Variants in RASSF8 observed in about 807,000 individuals in gnomAD.
RASSF8 encodes the protein Ras association domain family member 8.
In RASSF8, 22 loss-of-function variants were observed where a neutral mutation model predicts 48.5. The ratio of observed to expected loss-of-function variants is 0.45; its 90% CI spans 0.32 to 0.65. The LOEUF (loss-of-function observed/expected upper bound fraction) is 0.65. RASSF8 is among the 30% of genes least tolerant of loss of function. The pLI, the probability that RASSF8 is intolerant of heterozygous loss-of-function variation, is 0.03. For synonymous variants in RASSF8, 127 were observed against 171.5 expected (o/e 0.74, Z 2.03); for missense variants, 418 against 489.2 (o/e 0.85, Z 1.37).
intron 3 of RASSF8, among the ~76,000 whole-genome samples, chr12:26,063,173 T>C (rs1372627637): frequency 1.3e-5 from 2 of 152,116 alleles, no homozygotes; most frequent in Non-Finnish European, 2.9e-5. Flanking sequence ...TTTATACAAG[T>C]ATAATTGCTG....
chr12:26,057,108 G>GTGTGTGTA (rs1555169466), intron 3 of RASSF8, among the ~76,000 whole-genome samples: 6 of 151,392 alleles, frequency 4.0e-5, no homozygotes, highest in Admixed American at 6.6e-5. Flanking sequence ...TTTTGTGTGT[G>GTGTGTGTA]TGTGTGTGTG....
chr12:26,018,068 C>T (rs1942693987), intron 2 of RASSF8, among the ~76,000 whole-genome samples: 1 of 152,164 alleles, frequency 6.6e-6, no homozygotes, highest in Non-Finnish European at 1.5e-5. Context: ...GATTTATTAA[C>T]TTTTGTTAAC....
intron 1 of RASSF8, among the ~76,000 whole-genome samples, chr12:25,986,917 G>GTTTT (rs68185131): frequency 4.4e-4 from 64 of 145,500 alleles, no homozygotes; most frequent in South Asian, 2.4e-3. Context: ...TTGAACTACC[G>GTTTT]TTTTTTTTTT....
intron 2 of RASSF8, among the ~76,000 whole-genome samples, chr12:25,998,654 T>C (rs976510131): frequency 1.1e-4 from 17 of 152,162 alleles, no homozygotes; most frequent in Non-Finnish European, 1.9e-4. Flanking sequence ...GCAAGAAAGC[T>C]TTTCTTAAGG....
At chr12:26,062,886 G>T (rs1943775893) in intron 3 of RASSF8, among the ~76,000 whole-genome samples, 1 of 152,142 alleles carries the variant, frequency 6.6e-6, no homozygotes, top group African/African-American at 2.4e-5. Flanking sequence ...AAGTTGTGCT[G>T]CTTATCTAGT....
At chr12:26,010,808 G>A (rs1323518840) in intron 2 of RASSF8, among the ~76,000 whole-genome samples, 1 of 151,982 alleles carries the variant, frequency 6.6e-6, no homozygotes, top group African/African-American at 2.4e-5. Context: ...GAGGGACAAC[G>A]TGAGAGACTT....
chr12:26,011,399 C>T (rs544463360), intron 2 of RASSF8, among the ~76,000 whole-genome samples: 16 of 152,244 alleles, frequency 1.1e-4, no homozygotes, highest in South Asian at 2.1e-4. Context: ...CTCTTCCTGA[C>T]GAGCAGTATT....
chr12:26,047,463 T>G (rs1943395952), intron 2 of RASSF8, among the ~76,000 whole-genome samples: 2 of 152,204 alleles, frequency 1.3e-5, no homozygotes, highest in African/African-American at 4.8e-5. Context: ...TATGTAAAAC[T>G]TAATCATTTA....
intron 3 of RASSF8, among the ~76,000 whole-genome samples, chr12:26,059,233 A>G (rs946787780): frequency 7.9e-5 from 12 of 152,314 alleles, no homozygotes; most frequent in African/African-American, 2.6e-4. Context: ...CTAACAAAAG[A>G]TGAGAGAGGA....
chr12:26,055,825 T>C (rs1040880729), intron 3 of RASSF8, among the ~76,000 whole-genome samples: 17 of 152,346 alleles, frequency 1.1e-4, no homozygotes, highest in African/African-American at 4.1e-4. Context: ...TATTTCTCCA[T>C]ACTTTCAGAA....
intron 1 of RASSF8, among the ~76,000 whole-genome samples, chr12:25,993,241 T>G (rs1207089800): frequency 1.3e-5 from 2 of 152,196 alleles, no homozygotes; most frequent in Non-Finnish European, 2.9e-5. Context: ...GCATATATGT[T>G]AGTGTCAGTT....
chr12:26,057,601 T>C (rs1024083605), intron 3 of RASSF8, among the ~76,000 whole-genome samples: 1 of 152,218 alleles, frequency 6.6e-6, no homozygotes, highest in Middle Eastern at 3.2e-3. Flanking sequence ...TGTGCGTGTG[T>C]CTTTATAGCA....
intron 1 of RASSF8, among the ~76,000 whole-genome samples, chr12:25,960,588 T>G (rs903768828): frequency 1.3e-5 from 2 of 152,226 alleles, no homozygotes; most frequent in Non-Finnish European, 2.9e-5. Context: ...GTTTGATGAT[T>G]ATTCTATTCA....
intron 1 of RASSF8, among the ~76,000 whole-genome samples, chr12:25,972,619 G>T (rs992409304): frequency 6.6e-6 from 1 of 152,102 alleles, no homozygotes; most frequent in African/African-American, 2.4e-5. Context: ...GTTAAAATGA[G>T]AGAATACAAG....
chr12:25,979,353 G>A lies in RASSF8; in HGVS notation c.-202-15684G>A, dbSNP rs1223978916. Among the ~76,000 whole-genome samples, 17 of 152,102 alleles carry A rather than the reference G, an allele frequency of 1.1e-4. 1 individual carries two copies. The highest frequency in any genetic ancestry group is 1.1e-3 in the Admixed American group (17 of 15,266). On this transcript the variant is annotated intron_variant, in intron 1 of 5. Coordinates refer to ENST00000689635, the MANE Select transcript of RASSF8 (RefSeq NM_001394098.1). ...AGGGGAAAAGAGCCTCAAGAACAAAGAGTTGGCCAGCAGTATCAAAGCTGA... is the reference window on the plus strand; with the variant it reads ...AGGGGAAAAGAGCCTCAAGAACAAAAAGTTGGCCAGCAGTATCAAAGCTGA...
intron 5 of RASSF8, among the ~76,000 whole-genome samples, chr12:26,078,552 A>G (rs1944090470): frequency 6.6e-6 from 1 of 152,234 alleles, no homozygotes. Context: ...TACTCACTTG[A>G]TCATTCTCAG....
At chr12:25,996,173 T>G (rs1259132462) in intron 2 of RASSF8, among the ~76,000 whole-genome samples, 2 of 152,182 alleles carry the variant, frequency 1.3e-5, no homozygotes, top group African/African-American at 4.8e-5. Flanking sequence ...GATAGCCTGA[T>G]TCTAATAAGG....
intron 2 of RASSF8, among the ~76,000 whole-genome samples, chr12:26,022,785 A>G (rs573190669): frequency 6.6e-6 from 1 of 152,068 alleles, no homozygotes; most frequent in Non-Finnish European, 1.5e-5. Flanking sequence ...CTTGTTGCCC[A>G]GGTTGGAGTG....
intron 2 of RASSF8, among the ~76,000 whole-genome samples, chr12:26,031,778 A>G (rs984326353): frequency 6.6e-6 from 1 of 152,190 alleles, no homozygotes; most frequent in Non-Finnish European, 1.5e-5. Flanking sequence ...AGAGATTTCA[A>G]TAGCAGCCAC....
Sources: gnomAD v4.1 joint callset for allele counts (sites outside exome capture counted in the v4.1 genomes callset) on GRCh38, gnomAD v4.1.1 for gene constraint, MANE v1.5 for transcripts, NCBI Gene and HGNC (gene_info 2026-07-23, HGNC 2026-07-21) for gene names.